Variants in PSD3 observed in about 807,000 individuals in gnomAD.
The protein encoded by PSD3 is pleckstrin and Sec7 domain containing 3.
In PSD3, 49 loss-of-function variants were observed where a neutral mutation model predicts 105.5. The observed-to-expected ratio is 0.46, with a 90% confidence interval of 0.37 to 0.59. PSD3 has a LOEUF of 0.59. PSD3 is among the 20% of genes least tolerant of loss of function. The pLI is 0.00. For missense variants in PSD3, 1,561 were observed against 1,263.8 expected (o/e 1.24, Z -3.57); for synonymous variants, 557 against 457.8 (o/e 1.22, Z -2.77).
intron 4 of PSD3, among the ~76,000 whole-genome samples, chr8:18,841,217 T>C (rs1814594783): frequency 6.6e-6 from 1 of 152,140 alleles, no homozygotes; most frequent in African/African-American, 2.4e-5. Context: ...ACTGCTGTGT[T>C]TGTTATGGCT....
intron 8 of PSD3, among the ~76,000 whole-genome samples, chr8:18,776,345 T>C (rs1433543034): frequency 6.8e-6 from 1 of 147,098 alleles, no homozygotes; most frequent in Non-Finnish European, 1.5e-5. Flanking sequence ...ATATATATAG[T>C]ATAAAAATAT....
intron 9 of PSD3, among the ~76,000 whole-genome samples, chr8:18,760,052 G>C (rs1328580669): frequency 2.6e-5 from 4 of 151,266 alleles, no homozygotes; most frequent in African/African-American, 9.8e-5. Context: ...TAAAATTCAG[G>C]GAACAGAAAT....
Position 18,978,927 on chromosome 8 carries a change from G to C in PSD3, c.21+34636C>G, listed in dbSNP as rs190800318. Among the ~76,000 whole-genome samples the C allele has an allele frequency of 7.5e-4, 114 of 152,080 alleles. 1 individual carries two copies. Among genetic ancestry groups the C allele is most frequent in the African/African-American group, 2.6e-3 (108 of 41,494 alleles). ...CCAGCAAGAAGCCACAACCACAGAA[G>C]AGCTTCCAGGCAGCAGTGAAGCAGT... On this transcript the variant is annotated intron_variant, in intron 1 of 15. Transcript: ENST00000327040.
chr8:18,761,969 G>A (rs143877519), intron 9 of PSD3, among the ~76,000 whole-genome samples: 13 of 152,266 alleles, frequency 8.5e-5, no homozygotes, highest in African/African-American at 2.9e-4. Context: ...TAGTTGAGAG[G>A]GGTAAATATG....
intron 1 of PSD3, among the ~76,000 whole-genome samples, chr8:18,956,308 T>G (rs11988566): frequency 0.72 from 109,285 of 151,912 alleles, 39,450 homozygotes; most frequent in Middle Eastern, 0.78. Context: ...ACAACACTGG[T>G]ATCCCGCTAA....
At chr8:18,734,927 G>A (rs1804036436) in intron 9 of PSD3, among the ~76,000 whole-genome samples, 1 of 152,134 alleles carries the variant, frequency 6.6e-6, no homozygotes, top group African/African-American at 2.4e-5. Context: ...CCTCATCTCA[G>A]TTGAAAACTT....
intron 10 of PSD3, among the ~76,000 whole-genome samples, chr8:18,653,686 T>G (rs1808687845): frequency 6.6e-6 from 1 of 152,048 alleles, no homozygotes; most frequent in South Asian, 2.1e-4. Context: ...CCTCCACCCT[T>G]GGGTAACACG....
intron 1 of PSD3, among the ~76,000 whole-genome samples, chr8:19,076,453 A>G (rs937147119): frequency 6.6e-6 from 1 of 152,128 alleles, no homozygotes; most frequent in Non-Finnish European, 1.5e-5. Context: ...GAGCTCAGAG[A>G]GCAGAGTACT....
intron 1 of PSD3, among the ~76,000 whole-genome samples, chr8:19,082,276 A>G (rs1829668466): frequency 6.6e-6 from 1 of 152,144 alleles, no homozygotes; most frequent in African/African-American, 2.4e-5. Flanking sequence ...AGAGGGAATC[A>G]CATTGTCTGA....
At position 18,531,091 on chromosome 8, in the gene PSD3, G is replaced by C. The variant is rs1289348836; in HGVS notation, c.*4652C>G. The C allele has an allele frequency of 2.0e-5, 3 of 152,450 alleles. No individual in the cohort carries two copies. Among genetic ancestry groups the C allele is most frequent in the Non-Finnish European group, 4.4e-5 (3 of 68,026 alleles). The allele number at this position is 152,450 out of a possible 1,614,324, so 9.4% of individuals were successfully genotyped here. Reference sequence around the variant, plus strand: ...ACAAATACAACAATGGCAGGTGACAGCATTTTCTTTGATGACTGACATACT... The same window carrying C: ...ACAAATACAACAATGGCAGGTGACACCATTTTCTTTGATGACTGACATACT... On this transcript the variant is annotated 3_prime_UTR_variant, in exon 16 of 16. Coordinates refer to ENST00000327040, the MANE Select transcript of PSD3 (RefSeq NM_015310.4).
intron 10 of PSD3, among the ~76,000 whole-genome samples, chr8:18,636,298 T>C (rs531346101): frequency 9.9e-4 from 151 of 152,110 alleles, no homozygotes; most frequent in African/African-American, 3.5e-3. Flanking sequence ...TTTTTAAAAG[T>C]AAAAAAGGCA....
In PSD3 at chr8:18,766,548, C is replaced by T. The variant is rs12544615; in HGVS notation, c.2083-1010G>A. On this transcript the variant is annotated intron_variant, in intron 8 of 15. Transcript: ENST00000327040. The stretch of plus-strand genomic sequence containing the variant: ...TTTTAATGAAAAACATGGGTAAAAA[C>T]GGACATTTCTGAGCTGAACTCAGCT... 8.9e-3 allele frequency among the ~76,000 whole-genome samples: 1,352 copies of T among 152,160 alleles called. 29 individuals carry two copies. Among genetic ancestry groups the T allele is most frequent in the Admixed American group, 0.04 (613 of 15,284 alleles).
chr8:18,983,834 A>C (rs77224677), intron 1 of PSD3, among the ~76,000 whole-genome samples: 16,560 of 151,564 alleles, frequency 0.11, 1,146 homozygotes, highest in Non-Finnish European at 0.16. Flanking sequence ...CGCCGTCTCT[A>C]CAAAAAAAAA....
chr8:18,921,873 C>G (rs1445769710), intron 2 of PSD3, among the ~76,000 whole-genome samples: 2 of 152,154 alleles, frequency 1.3e-5, no homozygotes, highest in Non-Finnish European at 2.9e-5. Context: ...AAGGCACCAG[C>G]ACTATTTCAT....
intron 9 of PSD3, among the ~76,000 whole-genome samples, chr8:18,749,095 T>C (rs1805268840): frequency 6.6e-6 from 1 of 152,254 alleles, no homozygotes; most frequent in Non-Finnish European, 1.5e-5. Context: ...TGCTACGTGT[T>C]GATTATCTTC....
At chr8:18,812,345 G>T (rs557125312) in intron 4 of PSD3, among the ~76,000 whole-genome samples, 3 of 152,270 alleles carry the variant, frequency 2.0e-5, no homozygotes, top group Admixed American at 6.5e-5. Flanking sequence ...AGGCCTTGGG[G>T]GCCACTATGG....
In PSD3 at chr8:18,804,443, T is replaced by C. The variant is rs1021840059; in HGVS notation, c.1910+79A>G. Reference sequence around the variant, plus strand: ...GGTTTAAAAAAAAAAAATAAGATTCTAGCTAGAAGACATTACTTTCTTCTC... The same window carrying C: ...GGTTTAAAAAAAAAAAATAAGATTCCAGCTAGAAGACATTACTTTCTTCTC... On this transcript the variant is annotated intron_variant, in intron 6 of 15. Coordinates refer to ENST00000327040, the MANE Select transcript of PSD3 (RefSeq NM_015310.4). 23 of 1,233,884 alleles carry C rather than the reference T, an allele frequency of 1.9e-5. No homozygotes were observed. In the African/African-American group the frequency reaches 3.2e-4, roughly 17 times the overall value. 76.4% of individuals were successfully genotyped at this position (1,233,884 alleles called of 1,614,324 possible).
chr8:18,740,615 T>C (rs1804495434), intron 9 of PSD3, among the ~76,000 whole-genome samples: 1 of 152,170 alleles, frequency 6.6e-6, no homozygotes, highest in South Asian at 2.1e-4. Context: ...TTTAGGAATA[T>C]CAGACTATCT....
At chr8:19,008,389 A>C (rs529072106) in intron 1 of PSD3, among the ~76,000 whole-genome samples, 1 of 152,312 alleles carries the variant, frequency 6.6e-6, no homozygotes, top group East Asian at 1.9e-4. Flanking sequence ...CCTGCTGTCA[A>C]TTTCCAAGCA....
Sources: allele counts gnomAD v4.1 joint callset (sites outside exome capture counted in the v4.1 genomes callset), GRCh38; gene constraint gnomAD v4.1.1; transcripts MANE v1.5; gene names NCBI Gene and HGNC (gene_info 2026-07-23, HGNC 2026-07-21).